The following NKX2-4 variants were observed in gnomAD, a reference collection of about 807,000 sequenced individuals.
NKX2-4 encodes the protein NK2 homeobox 4.
Under a neutral mutation model 8.6 loss-of-function variants are expected in NKX2-4, and 6 were observed. The observed-to-expected ratio is 0.70, with a 90% CI of 0.38 to 1.38. NKX2-4 has a LOEUF of 1.38. Ranked by LOEUF, NKX2-4 falls within the 40% of genes most tolerant of loss-of-function variation. The pLI, the probability that NKX2-4 is intolerant of heterozygous loss-of-function variation, is 0.02. For synonymous variants in NKX2-4, 299 were observed against 272.6 expected, an observed-to-expected ratio of 1.10 and a Z score of -0.95; for missense variants, 601 against 548.4, an observed-to-expected ratio of 1.10 and a Z score of -0.96.
chr20:21,395,867 A>G lies in NKX2-4; in HGVS notation c.*44T>C. The stretch of plus-strand genomic sequence containing the variant: ...CATCCGTTCTAGCAGTTTCTTGCAG[A>G]CCCTTCGGGTGCACCAGGACCTAGC... On this transcript the variant is annotated 3_prime_UTR_variant, in exon 2 of 2. Coordinates refer to ENST00000351817, the MANE Select transcript of NKX2-4 (RefSeq NM_033176.2). The G allele has an allele frequency of 3.1e-6, 4 of 1,291,136 alleles. No homozygotes were observed. Among genetic ancestry groups the G allele is most frequent in the Non-Finnish European group, 3.0e-6 (3 of 1,016,098 alleles). The allele number at this position is 1,291,136 out of a possible 1,614,324, so 80.0% of individuals were successfully genotyped here. A position where few individuals can be genotyped will look rare whatever the true frequency, so the allele number is the denominator to read the frequency against.
At position 21,396,194 on chromosome 20, in the gene NKX2-4, C is replaced by G. The variant is rs1357368430; in HGVS notation, c.782G>C (p.Gly261Ala). Reference sequence around the variant, plus strand: ...CGGCGGAGGCGGCGGCGGGCCCAGGCCGCCCTCCTGCTGCAGCTGCTGCGC... The same window carrying G: ...CGGCGGAGGCGGCGGCGGGCCCAGGGCGCCCTCCTGCTGCAGCTGCTGCGC... ...KAAQQLQQEG[G>A]LGPPPPPPPS... The change falls in exon 2 of 2, where the codon GGC becomes GCC. Residue 261 changes from glycine to alanine, a missense_variant. By Grantham distance (60) the Gly-to-Ala change is moderately conservative. Transcript: ENST00000351817. The G allele has an allele frequency of 6.5e-7, 1 of 1,542,010 alleles. No homozygotes were observed. Among genetic ancestry groups the G allele is most frequent in the Non-Finnish European group, 8.7e-7 (1 of 1,148,330 alleles).
chr20:21,396,332 G>A lies in NKX2-4; in HGVS notation c.644C>T (p.Ser215Leu), dbSNP rs367598502. The A allele has an allele frequency of 1.9e-5, 31 of 1,603,158 alleles. 1 individual carries two copies. Among genetic ancestry groups the A allele is most frequent in the Middle Eastern group, 2.1e-4 (1 of 4,836 alleles). The change falls in exon 2 of 2, where the codon TCG (serine) becomes TTG (leucine). Residue 215 changes from serine to leucine, a missense_variant. Transcript: ENST00000351817. ...GGCCAGGTGCTCGCGCTCGGGCGCCGACAGGTACTTCTGCTGCTTGAAGCG... is the reference window on the plus strand; with the variant it reads ...GGCCAGGTGCTCGCGCTCGGGCGCCAACAGGTACTTCTGCTGCTTGAAGCG... ...ERRFKQQKYLSAPEREHLASM... is the reference protein window; with the variant it reads ...ERRFKQQKYLLAPEREHLASM...
chr20:21,395,946 G>T lies in NKX2-4; in HGVS notation c.1030C>A (p.Leu344Met). 1 of 1,336,146 alleles carries T rather than the reference G, an allele frequency of 7.5e-7. No individual in the cohort carries two copies. Among genetic ancestry groups the T allele is most frequent in the Non-Finnish European group, 9.6e-7 (1 of 1,041,838 alleles). 82.8% of individuals were successfully genotyped at this position (1,336,146 alleles called of 1,614,324 possible). The change falls in exon 2 of 2, where the codon CTG becomes ATG. Residue 344 changes from leucine to methionine, a missense_variant. Leu to Met is a conservative substitution (Grantham distance 15, BLOSUM62 2). Transcript: ENST00000351817. ...AAAGEYSGGV[L>M]GANLLYGRTW Reference sequence around the variant, plus strand: ...CTGCCATAGAGCAGGTTGGCGCCCAGGACGCCGCCGCTGTACTCCCCGGCG... The same window carrying T: ...CTGCCATAGAGCAGGTTGGCGCCCATGACGCCGCCGCTGTACTCCCCGGCG...
chr20:21,397,377 GTGTGCT>G lies in NKX2-4; in HGVS notation c.17_22del (p.Lys6_His7del). On this transcript the variant is annotated inframe_deletion, in exon 1 of 2. Coordinates refer to ENST00000351817, the MANE Select transcript of NKX2-4 (RefSeq NM_033176.2). ...GATGTCGGACACGGAGAAGGGCGTC[GTGTGCT>G]TTGGGCTCAACGACATGGCTCGGCG... The G allele has an allele frequency of 6.9e-7, 1 of 1,439,036 alleles. No homozygotes were observed. Among genetic ancestry groups the G allele is most frequent in the Non-Finnish European group, 9.1e-7 (1 of 1,094,890 alleles). 89.1% of individuals were successfully genotyped at this position (1,439,036 alleles called of 1,614,324 possible). A position where few individuals can be genotyped will look rare whatever the true frequency, so the allele number is the denominator to read the frequency against.
At position 21,397,506 on chromosome 20, in the gene NKX2-4, G is replaced by A; in HGVS notation, c.-107C>T. 1.7e-6 allele frequency: 2 copies of A among 1,195,316 alleles called. No individual in the cohort carries two copies. Among genetic ancestry groups the A allele is most frequent in the African/African-American group, 3.2e-5 (2 of 62,498 alleles). The allele number at this position is 1,195,316 out of a possible 1,614,324, so 74.0% of individuals were successfully genotyped here. On this transcript the variant is annotated 5_prime_UTR_variant, in exon 1 of 2. Coordinates refer to ENST00000351817, the MANE Select transcript of NKX2-4 (RefSeq NM_033176.2). The stretch of plus-strand genomic sequence containing the variant: ...GCGGCAGCTGAGCCTGTGACGAGGA[G>A]TCGGCGGCTCGGCGAGCCCCCCGGG...
At position 21,395,888 on chromosome 20, in the gene NKX2-4, C is replaced by T. The variant is rs746201945; in HGVS notation, c.*23G>A. 2 of 1,310,206 alleles carry T rather than the reference C, an allele frequency of 1.5e-6. No individual in the cohort carries two copies. Among genetic ancestry groups the T allele is most frequent in the East Asian group, 2.8e-5 (1 of 35,470 alleles). The allele number at this position is 1,310,206 out of a possible 1,614,324, so 81.2% of individuals were successfully genotyped here. The stretch of plus-strand genomic sequence containing the variant: ...GCAGACCCTTCGGGTGCACCAGGAC[C>T]TAGCCCCGGGGCGCCCTCGCTGTCA... On this transcript the variant is annotated 3_prime_UTR_variant, in exon 2 of 2. Coordinates refer to ENST00000351817, the MANE Select transcript of NKX2-4 (RefSeq NM_033176.2).
In NKX2-4 at chr20:21,396,980, G is replaced by C. The variant is rs1162031142; in HGVS notation, c.420C>G (p.Asn140Lys). 2.0e-6 allele frequency: 3 copies of C among 1,478,492 alleles called. No individual in the cohort carries two copies. In the South Asian group the frequency reaches 3.8e-5, roughly 19 times the overall value. 91.6% of individuals were successfully genotyped at this position (1,478,492 alleles called of 1,614,324 possible). ...GGAATGWYGA[N>K]PDPRYSSISR... ...CACTTGACGAGTAGCGTGGGTCCGG[G>C]TTGGCGCCGTACCAGCCGGTGGCCG... is the stretch of plus-strand genomic sequence containing the variant. Residue 140 changes from asparagine to lysine, a missense_variant, in exon 1 of 2, where the codon AAC becomes AAG. Coordinates refer to ENST00000351817, the MANE Select transcript of NKX2-4 (RefSeq NM_033176.2).
chr20:21,396,952 T>C lies in NKX2-4; in HGVS notation c.442+6A>G. The C allele has an allele frequency of 1.4e-6, 2 of 1,438,192 alleles. No homozygotes were observed. Among genetic ancestry groups the C allele is most frequent in the Non-Finnish European group, 1.8e-6 (2 of 1,096,494 alleles). 89.1% of individuals were successfully genotyped at this position (1,438,192 alleles called of 1,614,324 possible). ...CCCGCAGCCCCGCGCTCCTGGCCCC[T>C]CTCACTTGACGAGTAGCGTGGGTCC... On this transcript the variant is annotated splice_donor_region_variant and intron_variant, in intron 1 of 1. Coordinates refer to ENST00000351817, the MANE Select transcript of NKX2-4 (RefSeq NM_033176.2).
chr20:21,396,092 G>A lies in NKX2-4; in HGVS notation c.884C>T (p.Thr295Ile), dbSNP rs922509670. The A allele has an allele frequency of 2.2e-6, 3 of 1,359,248 alleles. No individual in the cohort carries two copies. Among genetic ancestry groups the A allele is most frequent in the African/African-American group, 3.1e-5 (2 of 65,148 alleles). The allele number at this position is 1,359,248 out of a possible 1,614,324, so 84.2% of individuals were successfully genotyped here. A position where few individuals can be genotyped will look rare whatever the true frequency, so the allele number is the denominator to read the frequency against. Residue 295 changes from threonine (T) to isoleucine (I), a missense_variant, in exon 2 of 2, where the codon ACC becomes ATC. Transcript: ENST00000351817. Reference sequence around the variant, plus strand: ...CGGCTGCGGACCGGCCTGGCCGGGGGTGGGCGTGCTGGCGCCGTTCTGGCA... The same window carrying A: ...CGGCTGCGGACCGGCCTGGCCGGGGATGGGCGTGCTGGCGCCGTTCTGGCA... ...KPCQNGASTPTPGQAGPQPPA... is the reference protein window; with the variant it reads ...KPCQNGASTPIPGQAGPQPPA...
rs1406145737 is a variant in NKX2-4 at position 21,396,925 on chromosome 20, C to A, written c.442+33G>T. 6.6e-6 allele frequency: 9 copies of A among 1,353,570 alleles called. No individual in the cohort carries two copies. In the Admixed American group the frequency reaches 1.3e-4, roughly 19 times the overall value. 83.8% of individuals were successfully genotyped at this position (1,353,570 alleles called of 1,614,324 possible). ...CGGCTGTGGCGGGAAACGCCTGAGC[C>A]GCCCGCAGCCCCGCGCTCCTGGCCC... is the stretch of plus-strand genomic sequence containing the variant. On this transcript the variant is annotated intron_variant, in intron 1 of 1. Coordinates refer to ENST00000351817, the MANE Select transcript of NKX2-4 (RefSeq NM_033176.2).
In NKX2-4 at chr20:21,395,380, A is replaced by C. The variant is rs1231101100; in HGVS notation, c.*531T>G. 1 of 152,194 alleles carries C rather than the reference A, an allele frequency of 6.6e-6. No individual in the cohort carries two copies. The highest frequency in any genetic ancestry group is 1.5e-5 in the Non-Finnish European group (1 of 68,050). 9.4% of individuals were successfully genotyped at this position (152,194 alleles called of 1,614,324 possible). A position where few individuals can be genotyped will look rare whatever the true frequency, so the allele number is the denominator to read the frequency against. On this transcript the variant is annotated 3_prime_UTR_variant, in exon 2 of 2. Coordinates refer to ENST00000351817, the MANE Select transcript of NKX2-4 (RefSeq NM_033176.2). ...ATAATCAGTATTTTATTTTGATTCC[A>C]TTGCTCTATTACCTAAATGGCAATA...
rs942580630 is a variant in NKX2-4, at chr20:21,395,868, C to A, written c.*43G>T. The A allele has an allele frequency of 1.5e-6, 2 of 1,294,702 alleles. No individual in the cohort carries two copies. The highest frequency in any genetic ancestry group is 2.0e-6 in the Non-Finnish European group (2 of 1,018,356). The allele number at this position is 1,294,702 out of a possible 1,614,324, so 80.2% of individuals were successfully genotyped here. A position where few individuals can be genotyped will look rare whatever the true frequency, so the allele number is the denominator to read the frequency against. ...ATCCGTTCTAGCAGTTTCTTGCAGA[C>A]CCTTCGGGTGCACCAGGACCTAGCC... On this transcript the variant is annotated 3_prime_UTR_variant, in exon 2 of 2. Transcript: ENST00000351817.
rs1239980597 is a variant in NKX2-4 at position 21,397,349 on chromosome 20, C to G, written c.51G>C (p.Leu17=). The change falls in exon 1 of 2, where the codon CTG becomes CTC. Residue 17 remains leucine, a synonymous_variant. Transcript: ENST00000351817. ...HTTPFSVSDI[L]SPIEETYKKF... ...TCTTGTAGGTCTCCTCGATGGGGCT[C>G]AGGATGTCGGACACGGAGAAGGGCG... The G allele has an allele frequency of 3.5e-6, 5 of 1,447,014 alleles. No homozygotes were observed. In the South Asian group the frequency reaches 4.3e-5, roughly 12 times the overall value. The allele number at this position is 1,447,014 out of a possible 1,614,324, so 89.6% of individuals were successfully genotyped here.
rs1346940627 is a variant in NKX2-4 at position 21,396,858 on chromosome 20, C to T, written c.442+100G>A. 9.0e-6 allele frequency: 10 copies of T among 1,105,876 alleles called. No homozygotes were observed. The African/African-American group carries it at 9.9e-5, about 11-fold the overall frequency. 68.5% of individuals were successfully genotyped at this position (1,105,876 alleles called of 1,614,324 possible). A position where few individuals can be genotyped will look rare whatever the true frequency, so the allele number is the denominator to read the frequency against. ...CCGCGCGCCCGCTCGGCCCCAGGACCTCCTAAGCCGCGCGCACCCCGTCCC... is the reference window on the plus strand; with the variant it reads ...CCGCGCGCCCGCTCGGCCCCAGGACTTCCTAAGCCGCGCGCACCCCGTCCC... On this transcript the variant is annotated intron_variant, in intron 1 of 1. Transcript: ENST00000351817.
Position 21,396,080 on chromosome 20 carries a change from G to C in NKX2-4, c.896C>G (p.Ala299Gly), listed in dbSNP as rs2039015094. The C allele has an allele frequency of 7.6e-7, 1 of 1,316,576 alleles. No individual in the cohort carries two copies. Among genetic ancestry groups the C allele is most frequent in the Non-Finnish European group, 9.6e-7 (1 of 1,040,326 alleles). 81.6% of individuals were successfully genotyped at this position (1,316,576 alleles called of 1,614,324 possible). A position where few individuals can be genotyped will look rare whatever the true frequency, so the allele number is the denominator to read the frequency against. Reference protein sequence around the residue: ...NGASTPTPGQAGPQPPAPTPA... With the variant: ...NGASTPTPGQGGPQPPAPTPA... Reference sequence around the variant, plus strand: ...CGTCGGGGCCGGCGGCTGCGGACCGGCCTGGCCGGGGGTGGGCGTGCTGGC... The same window carrying C: ...CGTCGGGGCCGGCGGCTGCGGACCGCCCTGGCCGGGGGTGGGCGTGCTGGC... Residue 299 changes from alanine to glycine, a missense_variant, in exon 2 of 2, where the codon GCC (alanine) becomes GGC (glycine). Ala to Gly is a moderately conservative substitution (Grantham distance 60, BLOSUM62 0). Coordinates refer to ENST00000351817, the MANE Select transcript of NKX2-4 (RefSeq NM_033176.2).
rs1004578699 is a variant in NKX2-4 at position 21,395,531 on chromosome 20, T to C, written c.*380A>G. On this transcript the variant is annotated 3_prime_UTR_variant, in exon 2 of 2. Transcript: ENST00000351817. ...CGAAAATTAATCTCCCAAGATAAAT[T>C]CCACTTCAAAAAGGACTGATTGTTA... is the stretch of plus-strand genomic sequence containing the variant. 3 of 161,038 alleles carry C rather than the reference T, an allele frequency of 1.9e-5. No homozygotes were observed. Among genetic ancestry groups the C allele is most frequent in the African/African-American group, 7.2e-5 (3 of 41,862 alleles). The allele number at this position is 161,038 out of a possible 1,614,324, so 10.0% of individuals were successfully genotyped here.
Position 21,395,459 on chromosome 20 carries a change from A to G in NKX2-4, c.*452T>C, listed in dbSNP as rs1254278954. ...ATGATCCACCTTGAGCTACACTTCA[A>G]TTTACTTTCAATCAAACATTAATGA... is the stretch of plus-strand genomic sequence containing the variant. On this transcript the variant is annotated 3_prime_UTR_variant, in exon 2 of 2. Coordinates refer to ENST00000351817, the MANE Select transcript of NKX2-4 (RefSeq NM_033176.2). 4 of 152,672 alleles carry G rather than the reference A, an allele frequency of 2.6e-5. No individual in the cohort carries two copies. The highest frequency in any genetic ancestry group is 6.5e-5 in the Admixed American group (1 of 15,286). The allele number at this position is 152,672 out of a possible 1,614,324, so 9.5% of individuals were successfully genotyped here.
rs1220657480 is a variant in NKX2-4 at position 21,396,544 on chromosome 20, G to A, written c.443-11C>T. 4.3e-6 allele frequency: 6 copies of A among 1,394,744 alleles called. No homozygotes were observed. Among genetic ancestry groups the A allele is most frequent in the African/African-American group, 1.5e-5 (1 of 65,354 alleles). The allele number at this position is 1,394,744 out of a possible 1,614,324, so 86.4% of individuals were successfully genotyped here. On this transcript the variant is annotated splice_polypyrimidine_tract_variant and intron_variant, in intron 1 of 1. Coordinates refer to ENST00000351817, the MANE Select transcript of NKX2-4 (RefSeq NM_033176.2). ...CCATGAACCTGGAGACTGGGGAAGAGTCCCAAGGGGGAAGGCGAGTGAGCT... is the reference window on the plus strand; with the variant it reads ...CCATGAACCTGGAGACTGGGGAAGAATCCCAAGGGGGAAGGCGAGTGAGCT...
Position 21,397,243 on chromosome 20 carries a change from G to T in NKX2-4, c.157C>A (p.Pro53Thr). ...GAAAAYRAPP[P>T]GPSSQAATVA... ...GTCGCCGCCTGCGAGGAGGGCCCAG[G>T]TGGCGGCGCGCGGTAGGCGGCCGCG... is the stretch of plus-strand genomic sequence containing the variant. The change falls in exon 1 of 2, where the codon CCT becomes ACT. Residue 53 changes from proline (P) to threonine (T), a missense_variant. Physicochemically the swap from Pro to Thr is conservative, Grantham distance 38. Transcript: ENST00000351817. 1.6e-6 allele frequency: 2 copies of T among 1,238,336 alleles called. No individual in the cohort carries two copies. The highest frequency in any genetic ancestry group is 2.0e-6 in the Non-Finnish European group (2 of 996,402). The allele number at this position is 1,238,336 out of a possible 1,614,324, so 76.7% of individuals were successfully genotyped here.
Sources: gnomAD v4.1 joint callset for allele counts on GRCh38, gnomAD v4.1.1 for gene constraint, MANE v1.5 for transcripts, NCBI Gene and HGNC (gene_info 2026-07-23, HGNC 2026-07-21) for gene names.